VPS13D: variants seen among roughly 807,000 people sequenced by gnomAD.
VPS13D encodes vacuolar protein sorting 13 homolog D, also known as intermembrane lipid transfer protein VPS13D.
Under a neutral mutation model 461.9 loss-of-function variants are expected in VPS13D, and 187 were observed. The observed-to-expected ratio is 0.40, with a 90% CI of 0.36 to 0.46. VPS13D has a LOEUF of 0.46. Among genes scored for constraint, VPS13D ranks in the 20% least tolerant of loss-of-function variants. The pLI, the probability that VPS13D is intolerant of heterozygous loss-of-function variation, is 0.60. For synonymous variants in VPS13D, 1,951 were observed against 1,986.3 expected (o/e 0.98, Z 0.47); for missense variants, 4,711 against 5,364.9 (o/e 0.88, Z 3.81).
At chr1:12,360,673 A>G (rs576493318) in intron 50 of VPS13D, among the ~76,000 whole-genome samples, 3 of 152,346 alleles carry the variant, frequency 2.0e-5, no homozygotes, top group African/African-American at 4.8e-5. Context: ...GTGATAGGGT[A>G]TAGTTCCATA....
chr1:12,318,108 C>T lies in VPS13D; in HGVS notation c.7185C>T (p.Leu2395=). ...ATTCCTCCTGCTTTACAGTAGTTCT[C>T]AACAATCTCCGTGTGTTTCTCATAT... ...TKDSSCFTVV[L]NNLRVFLIFD... is the part of the protein sequence containing the mutation. Residue 2395 remains leucine, a synonymous_variant, in exon 31 of 70, where the codon CTC becomes CTT. Coordinates refer to ENST00000620676, the MANE Select transcript of VPS13D (RefSeq NM_015378.4). The T allele has an allele frequency of 1.9e-6, 3 of 1,613,986 alleles. No homozygotes were observed. Among genetic ancestry groups the T allele is most frequent in the Non-Finnish European group, 2.5e-6 (3 of 1,179,906 alleles).
At chr1:12,455,203 A>G (rs1386084337) in intron 65 of VPS13D, among the ~76,000 whole-genome samples, 1 of 152,250 alleles carries the variant, frequency 6.6e-6, no homozygotes, top group Non-Finnish European at 1.5e-5. Context: ...GCTTTTGACA[A>G]ATGGAGCTTG....
intron 65 of VPS13D, among the ~76,000 whole-genome samples, chr1:12,417,860 T>C (rs1644815325): frequency 6.6e-6 from 1 of 152,242 alleles, no homozygotes; most frequent in African/African-American, 2.4e-5. Flanking sequence ...GACTAAAGTG[T>C]ACTGTTTGGC....
At chr1:12,431,566 G>A (rs755214901) in intron 65 of VPS13D, among the ~76,000 whole-genome samples, 20 of 151,522 alleles carry the variant, frequency 1.3e-4, no homozygotes, top group African/African-American at 1.9e-4. Flanking sequence ...TCTTCTCAGC[G>A]TTCTTTATTT....
chr1:12,346,622 C>A lies in VPS13D; in HGVS notation c.9039C>A (p.Ser3013Arg). 9 of 1,613,348 alleles carry A rather than the reference C, an allele frequency of 5.6e-6. No homozygotes were observed. Among genetic ancestry groups the A allele is most frequent in the Non-Finnish European group, 7.6e-6 (9 of 1,179,798 alleles). The change falls in exon 44 of 70, where the codon AGC (serine) becomes AGA (arginine). Residue 3013 changes from serine (S) to arginine (R), a missense_variant. Ser to Arg is a moderately radical substitution (Grantham distance 110, BLOSUM62 -1). Around this residue, in one of 3 missense-constraint regions of VPS13D, gnomAD observed 4,411 missense variants for 4,937.8 expected, o/e 0.89. Transcript: ENST00000620676. ...SSSSTIGSPS[S>R]RTNIIHPQVY... ...TTTTTCAGATTGGCAGCCCAAGCAGCAGAACAAATATTATACATCCCCAGG... is the reference window on the plus strand; with the variant it reads ...TTTTTCAGATTGGCAGCCCAAGCAGAAGAACAAATATTATACATCCCCAGG...
At chr1:12,256,951 A>C (rs759903293) in intron 8 of VPS13D, 36 bp from the exon 9 acceptor site, 1 of 1,605,166 alleles carries the variant, frequency 6.2e-7, no homozygotes, top group African/African-American at 1.3e-5. Flanking sequence ...AAACAAACCT[A>C]TTCTAACCTA....
In VPS13D at chr1:12,507,102, C is replaced by G. The variant is rs777720016; in HGVS notation, c.13035+9C>G. 23 of 1,613,810 alleles carry G rather than the reference C, an allele frequency of 1.4e-5. No individual in the cohort carries two copies. In the East Asian group the frequency reaches 4.9e-4, roughly 34 times the overall value. ...CCCACCAGAAGCCCATGGTGAGTGC[C>G]TGGCTGTTCTCAGGCTCCTGAGGGG... On this transcript the variant is annotated intron_variant, in intron 69 of 69. Transcript: ENST00000620676. The surrounding 1 kb of genome is among the most constrained non-coding windows in gnomAD (Gnocchi z 5.3).
At chr1:12,327,289 G>A (rs1643214602) in intron 35 of VPS13D, among the ~76,000 whole-genome samples, 1 of 152,196 alleles carries the variant, frequency 6.6e-6, no homozygotes. Context: ...GTGGCGCCGT[G>A]TCTGGATCCT....
At chr1:12,282,658 G>A (rs368434776) in intron 20 of VPS13D, 47 bp from the exon 21 acceptor site, 39 of 1,527,874 alleles carry the variant, frequency 2.6e-5, no homozygotes, top group Non-Finnish European at 3.3e-5. Context: ...TTACATCTAC[G>A]TGCATTTAAT....
chr1:12,398,867 G>A (rs887338243), intron 60 of VPS13D, among the ~76,000 whole-genome samples: 1 of 152,230 alleles, frequency 6.6e-6, no homozygotes, highest in Non-Finnish European at 1.5e-5. Context: ...CGATAGCATA[G>A]TGTTTAGGAG....
rs1044381110 is a variant in VPS13D at position 12,473,997 on chromosome 1, A to G, written c.12662+13601A>G. On this transcript the variant is annotated intron_variant, in intron 67 of 69. Coordinates refer to ENST00000620676, the MANE Select transcript of VPS13D (RefSeq NM_015378.4). This position sits in a 1 kb window ranked among gnomAD's most constrained non-coding sequence, Gnocchi z 4.2. The stretch of plus-strand genomic sequence containing the variant: ...TGTGAAGAGCAGGTGACCCCAAACT[A>G]TTGTTAGTGTCTGCTGTAAATGATA... Among the ~76,000 whole-genome samples, 7 of 152,100 alleles carry G rather than the reference A, an allele frequency of 4.6e-5. No homozygotes were observed. The South Asian group carries it at 6.2e-4, about 14-fold the overall frequency.
At chr1:12,446,423 G>C (rs551463291) in intron 65 of VPS13D, among the ~76,000 whole-genome samples, 72 of 100,608 alleles carry the variant, frequency 7.2e-4, no homozygotes, top group African/African-American at 2.6e-3. Flanking sequence ...TCTCAAAAAA[G>C]AAAAAAAAAA....
At chr1:12,252,300 C>G (rs1375943923) in intron 6 of VPS13D, among the ~76,000 whole-genome samples, 1 of 152,124 alleles carries the variant, frequency 6.6e-6, no homozygotes, top group Non-Finnish European at 1.5e-5. Context: ...TAGCTAACTC[C>G]TCATCCCAAA....
At chr1:12,352,134 A>G (rs1643810351) in intron 46 of VPS13D, among the ~76,000 whole-genome samples, 1 of 151,892 alleles carries the variant, frequency 6.6e-6, no homozygotes. Flanking sequence ...TAGTAAAAAT[A>G]CAACAAATTA....
At position 12,304,737 on chromosome 1, in the gene VPS13D, G is replaced by A; in HGVS notation, c.6439+9G>A. 6.2e-7 allele frequency: 1 copy of A among 1,613,598 alleles called. No individual in the cohort carries two copies. On this transcript the variant is annotated intron_variant, in intron 26 of 69. Coordinates refer to ENST00000620676, the MANE Select transcript of VPS13D (RefSeq NM_015378.4). ...AGAGTCCAGTAGTCCAGGTAAAAGA[G>A]GAGAAAAGCAACATAATACTGAAGG...
Position 12,268,686 on chromosome 1 carries a change from A to T in VPS13D, c.1802-20A>T, listed in dbSNP as rs1306981010. 4 of 1,608,532 alleles carry T rather than the reference A, an allele frequency of 2.5e-6. No homozygotes were observed. Among genetic ancestry groups the T allele is most frequent in the Non-Finnish European group, 3.4e-6 (4 of 1,178,380 alleles). ...AGTTTTTGCCTTGTTCCGTGTTCTT[A>T]TTCCTGTTCTTTCCTTTAGCTGCAG... is the stretch of plus-strand genomic sequence containing the variant. On this transcript the variant is annotated intron_variant, in intron 15 of 69. Transcript: ENST00000620676.
In VPS13D at chr1:12,383,150, C is replaced by G. The variant is rs200100914; in HGVS notation, c.11365C>G (p.Leu3789Val). The part of the protein sequence containing the change: ...RVIPDGPTRA[L>V]QITDFCHRKS... The stretch of plus-strand genomic sequence containing the variant: ...CATCCCAGATGGACCAACTAGAGCA[C>G]TCCAGGTGATAATTTGTCATAAGAG... Residue 3789 changes from leucine to valine, a missense_variant, in exon 58 of 70, where the codon CTC becomes GTC. By Grantham distance (32) the Leu-to-Val change is conservative. Coordinates refer to ENST00000620676, the MANE Select transcript of VPS13D (RefSeq NM_015378.4). The G allele has an allele frequency of 6.2e-7, 1 of 1,609,550 alleles. No homozygotes were observed.
intron 33 of VPS13D, among the ~76,000 whole-genome samples, 165 bp from the exon 34 acceptor site, chr1:12,322,371 G>T (rs1466054489): frequency 6.6e-6 from 1 of 152,144 alleles, no homozygotes; most frequent in East Asian, 1.9e-4. Flanking sequence ...TTACCTTACG[G>T]TTATTAGTGC....
At chr1:12,451,927 T>TA (rs975192537) in intron 65 of VPS13D, among the ~76,000 whole-genome samples, 2 of 152,250 alleles carry the variant, frequency 1.3e-5, no homozygotes, top group African/African-American at 4.8e-5. Context: ...ACCTAATCCT[T>TA]ACAGCATCTT....
Sources: allele counts gnomAD v4.1 joint callset (sites outside exome capture counted in the v4.1 genomes callset), GRCh38; gene constraint gnomAD v4.1.1; regional missense constraint gnomAD v4.1.1; non-coding constraint Gnocchi (gnomAD v3.1); transcripts MANE v1.5; gene names NCBI Gene and HGNC (gene_info 2026-07-23, HGNC 2026-07-21).